The following PDPR variants were observed in gnomAD, a reference collection of about 807,000 sequenced individuals.
The protein encoded by PDPR is pyruvate dehydrogenase phosphatase regulatory subunit, mitochondrial.
PDPR carries 50 observed loss-of-function variants against 102.2 expected under a neutral mutation model. The observed-to-expected ratio is 0.49, with a 90% CI of 0.39 to 0.62. The LOEUF (loss-of-function observed/expected upper bound fraction) is 0.62. Ranked by LOEUF, PDPR falls within the 20% of genes least tolerant of loss-of-function variation. The pLI, the probability that PDPR is intolerant of heterozygous loss-of-function variation, is 0.00. For synonymous variants in PDPR, 259 were observed against 406.0 expected (o/e 0.64, Z 4.35); for missense variants, 625 against 1,098.2 (o/e 0.57, Z 6.09).
rs1223502043 is a variant in PDPR, at chr16:70,158,335, T to C, written c.*1456T>C. On this transcript the variant is annotated 3_prime_UTR_variant, in exon 19 of 19. Transcript: ENST00000288050. ...TAAGACATTTTGGTTAGTAAAACTC[T>C]AGCCTTTGGCGTGTTGGTATCTTGG... The C allele has an allele frequency of 6.6e-6, 1 of 152,494 alleles. No individual in the cohort carries two copies. Among genetic ancestry groups the C allele is most frequent in the Non-Finnish European group, 1.5e-5 (1 of 68,176 alleles). The allele number at this position is 152,494 out of a possible 1,614,324, so 9.4% of individuals were successfully genotyped here. A position where few individuals can be genotyped will look rare whatever the true frequency, so the allele number is the denominator to read the frequency against.
At chr16:70,125,161 A>C (rs554515849) in intron 3 of PDPR, among the ~76,000 whole-genome samples, 9 of 152,338 alleles carry the variant, frequency 5.9e-5, no homozygotes, top group African/African-American at 2.2e-4. Context: ...TGGATCATCT[A>C]AGGTCAGGAA....
chr16:70,145,429 C>T (rs1276827144), intron 15 of PDPR, among the ~76,000 whole-genome samples: 1 of 152,226 alleles, frequency 6.6e-6, no homozygotes, highest in Non-Finnish European at 1.5e-5. Flanking sequence ...AGCCACCACG[C>T]CCAGTCCCAG....
chr16:70,130,188 G>A (rs1266922305), intron 6 of PDPR, among the ~76,000 whole-genome samples: 3 of 152,272 alleles, frequency 2.0e-5, no homozygotes, highest in African/African-American at 7.2e-5. Flanking sequence ...AGCTACTTGA[G>A]AGGCTGAGGC....
intron 4 of PDPR, among the ~76,000 whole-genome samples, chr16:70,127,941 C>A (rs1437157068): frequency 6.6e-6 from 1 of 150,842 alleles, no homozygotes; most frequent in Admixed American, 6.7e-5. Flanking sequence ...ACAGGAGCAG[C>A]CTGGCGTGGC....
At chr16:70,149,802 T>C (rs1314442780) in intron 17 of PDPR, among the ~76,000 whole-genome samples, 2 of 152,260 alleles carry the variant, frequency 1.3e-5, no homozygotes, top group African/African-American at 4.8e-5. Flanking sequence ...TCCAGAACCT[T>C]TTTTTTGAGA....
At position 70,125,633 on chromosome 16, in the gene PDPR, TTTTC is replaced by T. The variant is rs1190843796; in HGVS notation, c.228-1619_228-1616del. ...AAAAAGACTCCCCAATGTTCTTTCC[TTTTC>T]TTTCTTTTTTTTTTTAAGATGGAGT... On this transcript the variant is annotated intron_variant, in intron 3 of 18. Transcript: ENST00000288050. Among the ~76,000 whole-genome samples, 30 of 151,642 alleles carry T rather than the reference TTTTC, an allele frequency of 2.0e-4. No homozygotes were observed. In the East Asian group the frequency reaches 3.7e-3, roughly 19 times the overall value.
intron 17 of PDPR, among the ~76,000 whole-genome samples, chr16:70,150,530 A>G (rs1463147377): frequency 1.5e-5 from 1 of 65,512 alleles, no homozygotes; most frequent in South Asian, 3.7e-4. Flanking sequence ...GTTTTCTCTT[A>G]ATTTTTTTTT....
chr16:70,114,511 G>A (rs1375462454), intron 1 of PDPR, 71 bp downstream of exon 1: 2 of 152,208 alleles, frequency 1.3e-5, no homozygotes, highest in Admixed American at 6.5e-5. Context: ...GGACCCCTGG[G>A]TTCCCCTCTT....
rs770382755 is a variant in PDPR, at chr16:70,156,509, A to T, written c.2270A>T (p.Gln757Leu). ...MDFIGRDALL[Q>L]QKQNGVYKRL... ...TTCATTGGTCGCGACGCCCTCCTGCAGCAGAAGCAGAATGGAGTGTATAAA... is the reference window on the plus strand; with the variant it reads ...TTCATTGGTCGCGACGCCCTCCTGCTGCAGAAGCAGAATGGAGTGTATAAA... Residue 757 changes from glutamine (Q) to leucine (L), a missense_variant, in exon 19 of 19, where the codon CAG (glutamine) becomes CTG (leucine). Transcript: ENST00000288050. The T allele has an allele frequency of 8.8e-5, 142 of 1,613,786 alleles. No homozygotes were observed. Among genetic ancestry groups the T allele is most frequent in the Non-Finnish European group, 1.2e-4 (141 of 1,179,770 alleles).
chr16:70,125,718 C>T (rs56375022), intron 3 of PDPR, among the ~76,000 whole-genome samples: 3,288 of 150,942 alleles, frequency 0.022, 12 homozygotes, highest in Non-Finnish European at 0.035. Context: ...CCTGCAACCT[C>T]TGCCTCCTGG....
intron 2 of PDPR, among the ~76,000 whole-genome samples, chr16:70,118,162 GAGAT>G (rs1274288813): frequency 1.3e-5 from 2 of 152,048 alleles, no homozygotes; most frequent in Non-Finnish European, 2.9e-5. Flanking sequence ...ACATGAAAGA[GAGAT>G]AGCAGTTGAT....
chr16:70,162,747 A>G (rs888709478), downstream of PDPR, among the ~76,000 whole-genome samples: 1 of 152,246 alleles, frequency 6.6e-6, no homozygotes, highest in African/African-American at 2.4e-5. Context: ...CGCCTCCTGA[A>G]ATTCCGACCG....
In PDPR at chr16:70,158,240, C is replaced by G. The variant is rs915704142; in HGVS notation, c.*1361C>G. On this transcript the variant is annotated 3_prime_UTR_variant, in exon 19 of 19. Coordinates refer to ENST00000288050, the MANE Select transcript of PDPR (RefSeq NM_017990.5). ...GATATCATGGACTGTTGTCCAGCCT[C>G]AATGCTTCATTTTCCCCTTGCATAT... 6.6e-6 allele frequency: 1 copy of G among 152,468 alleles called. No individual in the cohort carries two copies. The highest frequency in any genetic ancestry group is 1.5e-5 in the Non-Finnish European group (1 of 68,138). 9.4% of individuals were successfully genotyped at this position (152,468 alleles called of 1,614,324 possible). A position where few individuals can be genotyped will look rare whatever the true frequency, so the allele number is the denominator to read the frequency against.
At chr16:70,133,486 C>T (rs1365415059) in intron 9 of PDPR, among the ~76,000 whole-genome samples, 4 of 145,898 alleles carry the variant, frequency 2.7e-5, no homozygotes, top group East Asian at 2.2e-4. Context: ...GGCACAATCT[C>T]GGCTCACTCC....
chr16:70,129,628 C>T (rs532215756), intron 6 of PDPR, among the ~76,000 whole-genome samples: 12 of 152,312 alleles, frequency 7.9e-5, no homozygotes, highest in South Asian at 2.1e-4. Context: ...GGATTACAGG[C>T]GTGAGCCACT....
rs1157354893 is a variant in PDPR at position 70,147,495 on chromosome 16, C to T, written c.1963-969C>T. 30 of 390,074 alleles carry T rather than the reference C, an allele frequency of 7.7e-5. No individual in the cohort carries two copies. In the East Asian group the frequency reaches 8.0e-4, roughly 10 times the overall value. 24.2% of individuals were successfully genotyped at this position (390,074 alleles called of 1,614,324 possible). A position where few individuals can be genotyped will look rare whatever the true frequency, so the allele number is the denominator to read the frequency against. On this transcript the variant is annotated intron_variant, in intron 16 of 18. Coordinates refer to ENST00000288050, the MANE Select transcript of PDPR (RefSeq NM_017990.5). ...TGTGGCATCTTCAGGGAAGAAATGGCGTAGGTGAATCTCTGAACTTCCTAC... is the reference window on the plus strand; with the variant it reads ...TGTGGCATCTTCAGGGAAGAAATGGTGTAGGTGAATCTCTGAACTTCCTAC...
In PDPR at chr16:70,156,749, G is replaced by A. The variant is rs753375391; in HGVS notation, c.2510G>A (p.Arg837Gln). Residue 837 changes from arginine to glutamine, a missense_variant, in exon 19 of 19, where the codon CGG becomes CAG. Arg to Gln is a conservative substitution (Grantham distance 43). This residue lies in a region of PDPR where 303 missense variants were observed against 258.9 expected (regional missense o/e 1.17). Transcript: ENST00000288050. ...EQVVTADFIN[R>Q]GEYEIDIAGY... Reference sequence around the variant, plus strand: ...GTGGTGACAGCAGATTTCATCAACCGGGGAGAGTATGAGATTGACATCGCG... The same window carrying A: ...GTGGTGACAGCAGATTTCATCAACCAGGGAGAGTATGAGATTGACATCGCG... 1.1e-5 allele frequency: 17 copies of A among 1,614,094 alleles called. No homozygotes were observed. Among genetic ancestry groups the A allele is most frequent in the Non-Finnish European group, 1.3e-5 (15 of 1,179,910 alleles).
rs1307036483 is a variant in PDPR at position 70,158,093 on chromosome 16, C to G, written c.*1214C>G. 6.5e-6 allele frequency: 1 copy of G among 153,184 alleles called. No individual in the cohort carries two copies. Among genetic ancestry groups the G allele is most frequent in the Non-Finnish European group, 1.5e-5 (1 of 68,752 alleles). The allele number at this position is 153,184 out of a possible 1,614,324, so 9.5% of individuals were successfully genotyped here. On this transcript the variant is annotated 3_prime_UTR_variant, in exon 19 of 19. Coordinates refer to ENST00000288050, the MANE Select transcript of PDPR (RefSeq NM_017990.5). ...CTAGAGACCGCTTTTCCTCCTTTCC[C>G]CCCAGGCTCTTTGTTTCCCTCCACC...
At chr16:70,140,854 G>A (rs114212351) in intron 11 of PDPR, among the ~76,000 whole-genome samples, 923 of 151,960 alleles carry the variant, frequency 6.1e-3, no homozygotes, top group African/African-American at 0.021. Context: ...AAATGGGGGA[G>A]GGGATGATAG....
Sources: gnomAD v4.1 joint callset for allele counts (sites outside exome capture counted in the v4.1 genomes callset) on GRCh38, gnomAD v4.1.1 for gene constraint, gnomAD v4.1.1 regional missense constraint, MANE v1.5 for transcripts, NCBI Gene and HGNC (gene_info 2026-07-23, HGNC 2026-07-21) for gene names.